The following PSMA3 variants were observed in gnomAD, a reference collection of about 807,000 sequenced individuals.
PSMA3 encodes proteasome 20S subunit alpha 3.
In PSMA3, 8 loss-of-function variants were observed where a neutral mutation model predicts 40.0. The observed-to-expected ratio is 0.20, with a 90% CI of 0.12 to 0.36. The LOEUF is 0.36. Ranked by LOEUF, PSMA3 falls within the 10% of genes least tolerant of loss-of-function variation. The probability of loss-of-function intolerance (pLI) is 1.00; values close to 1 mark genes in which losing one functional copy is unlikely to be tolerated. For missense variants in PSMA3, 219 were observed against 310.6 expected (o/e 0.70, Z 2.22); for synonymous variants, 110 against 100.0 (o/e 1.10, Z -0.59).
At chr14:58,255,186 G>GT (rs5808965) in intron 3 of PSMA3, among the ~76,000 whole-genome samples, 65 of 148,496 alleles carry the variant, frequency 4.4e-4, no homozygotes, top group East Asian at 2.2e-3. Flanking sequence ...CTTAGTAGCC[G>GT]TTTTTTTTTT....
intron 7 of PSMA3, 121 bp downstream of exon 7, chr14:58,263,891 T>C: frequency 2.5e-6 from 2 of 800,112 alleles, no homozygotes; most frequent in East Asian, 2.6e-5. Context: ...GGGCCACACA[T>C]AAAATACACC....
intron 6 of PSMA3, chr14:58,263,425 C>T (rs1043342420): frequency 4.0e-5 from 9 of 223,268 alleles, no homozygotes; most frequent in Admixed American, 1.1e-4. Flanking sequence ...AAATCTTTTC[C>T]GTTCCTGTTC....
At chr14:58,244,967 T>C (rs774172052) in intron 1 of PSMA3, 26 bp downstream of exon 1, 11 of 1,614,096 alleles carry the variant, frequency 6.8e-6, no homozygotes, top group Non-Finnish European at 9.3e-6. Flanking sequence ...GTCGGTGTAA[T>C]AGTTTAACCT....
At chr14:58,252,909 G>T (rs1327647716) in intron 3 of PSMA3, among the ~76,000 whole-genome samples, 1 of 151,166 alleles carries the variant, frequency 6.6e-6, no homozygotes, top group Non-Finnish European at 1.5e-5. Flanking sequence ...TAGGTTTTAT[G>T]CTGGGAGCTC....
chr14:58,250,223 A>AAAAAAAT (rs1889978126), intron 2 of PSMA3, among the ~76,000 whole-genome samples: 1 of 150,482 alleles, frequency 6.6e-6, no homozygotes, highest in Admixed American at 6.7e-5. Context: ...CCATCTCCAA[A>AAAAAAAT]AAAAAAAAAA....
At chr14:58,252,348 C>T in intron 3 of PSMA3, 106 bp downstream of exon 3, 1 of 1,381,716 alleles carries the variant, frequency 7.2e-7, no homozygotes. Flanking sequence ...GAGCAAGTTA[C>T]TGCATTTGTC....
At chr14:58,267,995 C>T (rs901299123) in intron 8 of PSMA3, 2 of 152,152 alleles carry the variant, frequency 1.3e-5, no homozygotes, top group African/African-American at 4.8e-5. Flanking sequence ...GTTCCTATAA[C>T]AAGGTAAGAA....
chr14:58,248,090 AT>A (rs1413245119), intron 2 of PSMA3, among the ~76,000 whole-genome samples: 1 of 151,718 alleles, frequency 6.6e-6, no homozygotes, highest in African/African-American at 2.4e-5. Flanking sequence ...TTTGTTTTCC[AT>A]TTTCAAATTC....
intron 6 of PSMA3, among the ~76,000 whole-genome samples, chr14:58,262,425 C>T (rs570381660): frequency 3.3e-5 from 5 of 151,860 alleles, no homozygotes; most frequent in Non-Finnish European, 7.4e-5. Context: ...AGGCTGGTCT[C>T]GAACTCCTGA....
intron 5 of PSMA3, among the ~76,000 whole-genome samples, chr14:58,259,230 GCT>G (rs1890214809): frequency 6.6e-6 from 1 of 152,218 alleles, no homozygotes; most frequent in Non-Finnish European, 1.5e-5. Flanking sequence ...TTTCAACTGA[GCT>G]CTGAGTTCAT....
intron 6 of PSMA3, among the ~76,000 whole-genome samples, chr14:58,261,601 AAC>A (rs1355020867): frequency 6.6e-6 from 1 of 152,098 alleles, no homozygotes; most frequent in Non-Finnish European, 1.5e-5. Context: ...TATTACTATA[AAC>A]ACTGTCTTAA....
At chr14:58,259,013 C>T (rs1377361718) in intron 5 of PSMA3, among the ~76,000 whole-genome samples, 1 of 152,148 alleles carries the variant, frequency 6.6e-6, no homozygotes, top group Non-Finnish European at 1.5e-5. Flanking sequence ...CTGACTGCAG[C>T]TTTGACCTGG....
At chr14:58,256,102 C>T (rs984018990) in intron 3 of PSMA3, among the ~76,000 whole-genome samples, 3 of 152,130 alleles carry the variant, frequency 2.0e-5, no homozygotes, top group Non-Finnish European at 4.4e-5. Flanking sequence ...GATCCCCCTG[C>T]CTCGGCCTCC....
chr14:58,270,355 G>A (rs2140099137), intron 8 of PSMA3, 63 bp from the exon 9 acceptor site: 4 of 1,598,276 alleles, frequency 2.5e-6, no homozygotes, highest in East Asian at 4.5e-5. Context: ...CTGACTTTGG[G>A]TCTGTGAACT....
intron 3 of PSMA3, among the ~76,000 whole-genome samples, chr14:58,252,971 A>G (rs1489472883): frequency 1.3e-5 from 2 of 151,102 alleles, no homozygotes; most frequent in African/African-American, 4.9e-5. Flanking sequence ...GGTTATATCA[A>G]TGTCATTTTC....
At chr14:58,263,568 T>C in intron 6 of PSMA3, 137 bp from the exon 7 acceptor site, 1 of 618,026 alleles carries the variant, frequency 1.6e-6, no homozygotes. Context: ...CATCAGAATG[T>C]GTTTGACTAT....
chr14:58,247,610 A>C (rs1241742635), intron 1 of PSMA3, 140 bp from the exon 2 acceptor site: 2 of 582,738 alleles, frequency 3.4e-6, no homozygotes, highest in Non-Finnish European at 6.1e-6. Flanking sequence ...TGCTCTGACA[A>C]GTTTCCCTTT....
intron 8 of PSMA3, 71 bp downstream of exon 8, chr14:58,267,591 T>C (rs2140096256): frequency 1.4e-6 from 2 of 1,406,690 alleles, no homozygotes; most frequent in Admixed American, 2.8e-5. Flanking sequence ...ATTACATTAA[T>C]CCTAAGAAGC....
At chr14:58,259,937 G>C in intron 5 of PSMA3, among the ~76,000 whole-genome samples, 1 of 152,180 alleles carries the variant, frequency 6.6e-6, no homozygotes, top group Non-Finnish European at 1.5e-5. Flanking sequence ...TTTCTTCAAA[G>C]AAATGTTGAA....
Sources: gnomAD v4.1 joint callset for allele counts (sites outside exome capture counted in the v4.1 genomes callset) on GRCh38, gnomAD v4.1.1 for gene constraint, MANE v1.5 for transcripts, NCBI Gene and HGNC (gene_info 2026-07-23, HGNC 2026-07-21) for gene names.